ZFAND3: variants seen among roughly 807,000 people sequenced by gnomAD.
ZFAND3 encodes zinc finger AN1-type containing 3.
Under a neutral mutation model 29.6 loss-of-function variants are expected in ZFAND3, and 10 were observed. That is an observed-to-expected ratio of 0.34 (90% CI 0.21 to 0.57). ZFAND3 has a LOEUF of 0.57. Ranked by LOEUF, ZFAND3 falls within the 20% of genes least tolerant of loss-of-function variation. ZFAND3 has a pLI of 0.86. For synonymous variants in ZFAND3, 128 were observed against 112.6 expected (o/e 1.14, Z -0.87); for missense variants, 230 against 304.5 (o/e 0.76, Z 1.82).
At chr6:38,019,754 C>G (rs887024182) in intron 2 of ZFAND3, among the ~76,000 whole-genome samples, 5 of 152,242 alleles carry the variant, frequency 3.3e-5, no homozygotes, top group East Asian at 1.9e-4. Context: ...GAGTCTCACT[C>G]TGTTGCCCAG....
chr6:37,857,939 A>T (rs1219496633), intron 1 of ZFAND3, among the ~76,000 whole-genome samples: 1 of 152,096 alleles, frequency 6.6e-6, no homozygotes, highest in Non-Finnish European at 1.5e-5. Flanking sequence ...TTGAGTGTAC[A>T]ATAGTGTAGG....
chr6:38,079,686 C>T (rs1764623197), intron 3 of ZFAND3, among the ~76,000 whole-genome samples: 1 of 152,126 alleles, frequency 6.6e-6, no homozygotes, highest in Non-Finnish European at 1.5e-5. Context: ...GTGCACTGTG[C>T]AGCTCATGGT....
chr6:37,856,401 T>C (rs1463558395), intron 1 of ZFAND3, among the ~76,000 whole-genome samples: 1 of 152,200 alleles, frequency 6.6e-6, no homozygotes, highest in East Asian at 1.9e-4. Context: ...TAACCTGATA[T>C]TCTCTTTCTA....
intron 2 of ZFAND3, among the ~76,000 whole-genome samples, chr6:37,958,739 C>G (rs776659481): frequency 6.6e-6 from 1 of 152,012 alleles, no homozygotes; most frequent in East Asian, 1.9e-4. Context: ...GGACCGCCCC[C>G]CCCTTCCCCA....
intron 4 of ZFAND3, among the ~76,000 whole-genome samples, chr6:38,104,818 C>T (rs139800624): frequency 1.4e-3 from 217 of 152,214 alleles, no homozygotes; most frequent in Admixed American, 4.2e-3. Flanking sequence ...AGGATCTGTC[C>T]CCTGCCCTCA....
At position 37,937,044 on chromosome 6, in the gene ZFAND3, C is replaced by T. The variant is rs2132598; in HGVS notation, c.112+7045C>T. 4.7e-3 allele frequency among the ~76,000 whole-genome samples: 716 copies of T among 152,252 alleles called. 7 individuals are homozygous for T. Among genetic ancestry groups the T allele is most frequent in the African/African-American group, 0.017 (704 of 41,540 alleles). On this transcript the variant is annotated intron_variant, in intron 2 of 5. Transcript: ENST00000287218. The stretch of plus-strand genomic sequence containing the variant: ...AAAATATTTCCTTATGAACTTGCAA[C>T]TTAGTGGTTGCAGTTACATACTAAT...
At chr6:37,875,845 T>A (rs1196406767) in intron 1 of ZFAND3, among the ~76,000 whole-genome samples, 1 of 151,604 alleles carries the variant, frequency 6.6e-6, no homozygotes, top group Non-Finnish European at 1.5e-5. Context: ...TTTTTTTTTT[T>A]TTATTGGTAA....
rs1452988477 is a variant in ZFAND3 at position 37,958,475 on chromosome 6, T to A, written c.112+28476T>A. 2.0e-5 allele frequency among the ~76,000 whole-genome samples: 3 copies of A among 147,336 alleles called. No homozygotes were observed. In the East Asian group the frequency reaches 6.0e-4, roughly 29 times the overall value. On this transcript the variant is annotated intron_variant, in intron 2 of 5. Coordinates refer to ENST00000287218, the MANE Select transcript of ZFAND3 (RefSeq NM_021943.3). ...TCTCAAAAAAAAAAAAAAAAAAAAA[T>A]TCTCATTTAGGTAGATTCTGAACCA...
intron 2 of ZFAND3, among the ~76,000 whole-genome samples, chr6:37,979,885 A>G (rs1329818903): frequency 6.6e-6 from 1 of 152,242 alleles, no homozygotes. Context: ...GACCAGCTAT[A>G]TAATTAGCAG....
chr6:38,085,462 G>A (rs973556593), intron 4 of ZFAND3, among the ~76,000 whole-genome samples: 1 of 152,154 alleles, frequency 6.6e-6, no homozygotes, highest in South Asian at 2.1e-4. Flanking sequence ...TAAGTCAGCC[G>A]TCTCTGACAA....
intron 2 of ZFAND3, chr6:38,003,070 A>G (rs1016006593): frequency 1.0e-4 from 16 of 153,256 alleles, no homozygotes; most frequent in African/African-American, 3.9e-4. Context: ...GAAGATGACA[A>G]TGATCTTAGT....
chr6:37,937,641 G>A (rs1330526089), intron 2 of ZFAND3, among the ~76,000 whole-genome samples: 2 of 111,082 alleles, frequency 1.8e-5, no homozygotes, highest in African/African-American at 3.4e-5. Context: ...GCGACAGAGC[G>A]AGACTCCGTC....
chr6:37,904,290 AGAAG>A (rs549379291), intron 1 of ZFAND3, among the ~76,000 whole-genome samples: 116 of 152,308 alleles, frequency 7.6e-4, no homozygotes, highest in African/African-American at 2.6e-3. Context: ...GTACCGTTTT[AGAAG>A]GAAGGAGTGG....
chr6:37,932,485 A>G (rs1038113144), intron 2 of ZFAND3, among the ~76,000 whole-genome samples: 2 of 152,092 alleles, frequency 1.3e-5, no homozygotes, highest in East Asian at 1.9e-4. Flanking sequence ...ACAAATCCCA[A>G]CACTTCTGGT....
At position 38,039,246 on chromosome 6, in the gene ZFAND3, A is replaced by C. The variant is rs533157485; in HGVS notation, c.113-22347A>C. 2.6e-5 allele frequency among the ~76,000 whole-genome samples: 4 copies of C among 152,330 alleles called. No individual in the cohort carries two copies. The South Asian group carries it at 8.3e-4, about 32-fold the overall frequency. The stretch of plus-strand genomic sequence containing the variant: ...CTAAAGGACAATCTTAAAGGACCGT[A>C]AGTATTATTTGGAAAGAATGAGATG... On this transcript the variant is annotated intron_variant, in intron 2 of 5. Transcript: ENST00000287218.
At chr6:37,912,980 A>G (rs77272813) in intron 1 of ZFAND3, among the ~76,000 whole-genome samples, 10,200 of 152,280 alleles carry the variant, frequency 0.067, 406 homozygotes, top group Non-Finnish European at 0.085. Context: ...TGTTAAATGT[A>G]TAATAGCATT....
At chr6:38,026,839 A>G (rs1407191403) in intron 2 of ZFAND3, among the ~76,000 whole-genome samples, 1 of 151,932 alleles carries the variant, frequency 6.6e-6, no homozygotes, top group Non-Finnish European at 1.5e-5. Flanking sequence ...TATCTCCCTC[A>G]AGGTTTGGGA....
intron 1 of ZFAND3, among the ~76,000 whole-genome samples, chr6:37,872,376 A>G (rs142083843): frequency 6.6e-6 from 1 of 152,306 alleles, no homozygotes; most frequent in Non-Finnish European, 1.5e-5. Context: ...CAGTAGGAAC[A>G]TATTCAGTTC....
At chr6:37,958,453 CAAAAA>C (rs11356169) in intron 2 of ZFAND3, among the ~76,000 whole-genome samples, 20,392 of 114,874 alleles carry the variant, frequency 0.18, 1,520 homozygotes, top group African/African-American at 0.24. Flanking sequence ...GACTCGGTCT[CAAAAA>C]AAAAAAAAAA....
Sources: gnomAD v4.1 joint callset for allele counts (sites outside exome capture counted in the v4.1 genomes callset) on GRCh38, gnomAD v4.1.1 for gene constraint, MANE v1.5 for transcripts, NCBI Gene and HGNC (gene_info 2026-07-23, HGNC 2026-07-21) for gene names.